PPFIA1: variants seen among roughly 807,000 people sequenced by gnomAD.
PPFIA1 encodes liprin-alpha-1.
A neutral mutation model predicts 149.9 loss-of-function variants in PPFIA1; 25 were observed. That is an observed-to-expected ratio of 0.17 (90% confidence interval 0.12 to 0.23). PPFIA1 has a LOEUF of 0.23. PPFIA1 is among the 10% of genes least tolerant of loss of function. PPFIA1 has a pLI of 1.00. For missense variants in PPFIA1, 1,362 were observed against 1,506.5 expected, an observed-to-expected ratio of 0.90 and a Z score of 1.59; for synonymous variants, 549 against 552.8, an observed-to-expected ratio of 0.99 and a Z score of 0.10.
chr11:70,371,237 CAA>C (rs2057221337), intron 21 of PPFIA1: 2 of 5,946 alleles, frequency 3.4e-4, no homozygotes, highest in South Asian at 5.0e-3. Context: ...CTGTTGAAGT[CAA>C]GAGAATGTAC....
intron 2 of PPFIA1, among the ~76,000 whole-genome samples, chr11:70,279,817 G>C (rs182134706): frequency 5.8e-4 from 86 of 148,862 alleles, no homozygotes; most frequent in African/African-American, 2.1e-3. Context: ...TTGAACTCTT[G>C]GGCTCAAGCA....
chr11:70,375,170 G>C, intron 24 of PPFIA1, 77 bp downstream of exon 24: 174 of 206,306 alleles, frequency 8.4e-4, no homozygotes, highest in Middle Eastern at 1.6e-3. Flanking sequence ...TATTCGAATA[G>C]AAAGAAACTT....
chr11:70,322,639 A>G (rs942301209), intron 2 of PPFIA1, among the ~76,000 whole-genome samples: 1 of 152,256 alleles, frequency 6.6e-6, no homozygotes, highest in Non-Finnish European at 1.5e-5. Flanking sequence ...ACTGAATTGA[A>G]GAGCTATTCA....
intron 15 of PPFIA1, among the ~76,000 whole-genome samples, chr11:70,344,144 G>C (rs529056136): frequency 6.6e-6 from 1 of 152,350 alleles, no homozygotes; most frequent in South Asian, 2.1e-4. Context: ...GGACCTGAGA[G>C]GTCCTTCCCC....
Position 70,356,019 on chromosome 11 carries a change from T to G in PPFIA1, c.2489-142T>G, listed in dbSNP as rs2056344201. The G allele has an allele frequency of 1.8e-5, 18 of 1,018,888 alleles. No homozygotes were observed. The South Asian group carries it at 2.4e-4, about 14-fold the overall frequency. The allele number at this position is 1,018,888 out of a possible 1,614,324, so 63.1% of individuals were successfully genotyped here. ...TTTCCTGTCTTGAGCATTTCCGTCT[T>G]GGGCATTTGGTTGTCTAGTCAGAAA... On this transcript the variant is annotated intron_variant, in intron 18 of 27. Coordinates refer to ENST00000253925, the MANE Select transcript of PPFIA1 (RefSeq NM_003626.5).
At chr11:70,283,485 T>C (rs557655121) in intron 2 of PPFIA1, among the ~76,000 whole-genome samples, 8 of 152,128 alleles carry the variant, frequency 5.3e-5, no homozygotes, top group Middle Eastern at 3.4e-3. Context: ...CCAAACTTAG[T>C]GAAAAAGAAG....
chr11:70,277,413 A>G (rs1354577877), intron 2 of PPFIA1, among the ~76,000 whole-genome samples: 1 of 149,972 alleles, frequency 6.7e-6, no homozygotes, highest in Non-Finnish European at 1.5e-5. Flanking sequence ...TTATCCTCTT[A>G]GTTACCATTT....
At chr11:70,375,180 T>TCAAA in intron 24 of PPFIA1, 87 bp downstream of exon 24, 1 of 270,506 alleles carries the variant, frequency 3.7e-6, no homozygotes, top group African/African-American at 4.4e-5. Context: ...GAAAGAAACT[T>TCAAA]TAAAAAAAAA....
At chr11:70,311,843 T>C (rs1354965270) in intron 2 of PPFIA1, among the ~76,000 whole-genome samples, 1 of 135,358 alleles carries the variant, frequency 7.4e-6, no homozygotes, top group African/African-American at 3.2e-5. Flanking sequence ...CAGCTTTTTT[T>C]TTTTTTTTTT....
chr11:70,369,344 CATG>C (rs1423490394), intron 21 of PPFIA1, among the ~76,000 whole-genome samples: 1 of 151,980 alleles, frequency 6.6e-6, no homozygotes, highest in African/African-American at 2.4e-5. Context: ...CCATACTTGT[CATG>C]ATATCTTATT....
chr11:70,372,444 A>G (rs1163639611), intron 22 of PPFIA1, 33 bp from the exon 23 acceptor site: 13 of 1,612,462 alleles, frequency 8.1e-6, no homozygotes, highest in Non-Finnish European at 1.1e-5. Context: ...CACTGTTACC[A>G]TCTCTAAATC....
At chr11:70,361,740 C>CA (rs2056656732) in intron 19 of PPFIA1, among the ~76,000 whole-genome samples, 1 of 151,596 alleles carries the variant, frequency 6.6e-6, no homozygotes, top group East Asian at 1.9e-4. Context: ...CTCAGCCTCC[C>CA]AAGTAGCTGA....
chr11:70,289,800 G>T (rs147153709), intron 2 of PPFIA1, among the ~76,000 whole-genome samples: 1 of 152,316 alleles, frequency 6.6e-6, no homozygotes, highest in Non-Finnish European at 1.5e-5. Flanking sequence ...TTTCAAACCA[G>T]GTGTGGTGGC....
At chr11:70,339,413 G>A (rs1157925760) in intron 14 of PPFIA1, 107 bp downstream of exon 14, 2 of 1,272,120 alleles carry the variant, frequency 1.6e-6, no homozygotes, top group Non-Finnish European at 2.2e-6. Context: ...TTGCTTTCTT[G>A]CCCTCCTCTC....
At chr11:70,355,910 G>A (rs1467046500) in intron 18 of PPFIA1, 99 bp downstream of exon 18, 2 of 1,440,184 alleles carry the variant, frequency 1.4e-6, no homozygotes, top group African/African-American at 2.8e-5. Flanking sequence ...CAGGAGCCGT[G>A]TGCTCTCCAG....
At chr11:70,331,686 A>G (rs2054673328) in intron 8 of PPFIA1, among the ~76,000 whole-genome samples, 1 of 152,088 alleles carries the variant, frequency 6.6e-6, no homozygotes, top group Non-Finnish European at 1.5e-5. Context: ...AGGCTGAGGC[A>G]GGAGAATTGC....
At chr11:70,357,146 T>C (rs1018147953) in intron 19 of PPFIA1, among the ~76,000 whole-genome samples, 4 of 152,022 alleles carry the variant, frequency 2.6e-5, no homozygotes, top group Admixed American at 1.3e-4. Flanking sequence ...GTGTAGTCCA[T>C]GGGATAAGGG....
chr11:70,292,351 C>T (rs1048970341), intron 2 of PPFIA1, among the ~76,000 whole-genome samples: 3 of 152,220 alleles, frequency 2.0e-5, no homozygotes, highest in Non-Finnish European at 4.4e-5. Flanking sequence ...TTCCACTCCG[C>T]CTCCCCTGTG....
chr11:70,296,635 C>T (rs968325604), intron 2 of PPFIA1, among the ~76,000 whole-genome samples: 5 of 151,328 alleles, frequency 3.3e-5, no homozygotes, highest in Non-Finnish European at 5.9e-5. Context: ...GGCAGCAGTA[C>T]AGTCCAGCTT....
Sources: gnomAD v4.1 joint callset for allele counts (sites outside exome capture counted in the v4.1 genomes callset) on GRCh38, gnomAD v4.1.1 for gene constraint, MANE v1.5 for transcripts, NCBI Gene and HGNC (gene_info 2026-07-23, HGNC 2026-07-21) for gene names.